VPS13B: variants seen among roughly 807,000 people sequenced by gnomAD.
VPS13B encodes intermembrane lipid transfer protein VPS13B.
VPS13B carries 285 observed loss-of-function variants against 426.4 expected under a neutral mutation model. The observed-to-expected ratio is 0.67, with a 90% CI of 0.61 to 0.74. VPS13B has a LOEUF of 0.74. VPS13B is among the 30% of genes least tolerant of loss of function. VPS13B has a pLI of 0.00. For synonymous variants in VPS13B, 1,676 were observed against 1,676.4 expected, an observed-to-expected ratio of 1.00 and a Z score of 0.01; for missense variants, 4,537 against 4,782.6, an observed-to-expected ratio of 0.95 and a Z score of 1.51.
chr8:99,646,844 G>T (rs983461913), intron 34 of VPS13B, among the ~76,000 whole-genome samples: 5 of 152,058 alleles, frequency 3.3e-5, no homozygotes, highest in Non-Finnish European at 4.4e-5. Context: ...CATGTGATGC[G>T]CTGGCTTTCC....
chr8:99,797,797 T>G lies in VPS13B; in HGVS notation c.7942-11578T>G, dbSNP rs139662883. 1.4e-4 allele frequency among the ~76,000 whole-genome samples: 21 copies of G among 152,336 alleles called. No individual in the cohort carries two copies. In the East Asian group the frequency reaches 3.9e-3, roughly 28 times the overall value. On this transcript the variant is annotated intron_variant, in intron 43 of 61. Transcript: ENST00000357162. Reference sequence around the variant, plus strand: ...CCTTTTGTGCTTATTCTATGAAAATTTTTGTTGTTTATCATAAACTGAAAG... The same window carrying G: ...CCTTTTGTGCTTATTCTATGAAAATGTTTGTTGTTTATCATAAACTGAAAG...
intron 19 of VPS13B, among the ~76,000 whole-genome samples, chr8:99,280,594 G>A (rs1475663797): frequency 6.6e-6 from 1 of 152,162 alleles, no homozygotes; most frequent in African/African-American, 2.4e-5. Context: ...TAAATAATCA[G>A]TTCTTGATAC....
chr8:99,428,768 A>T (rs921854597), intron 21 of VPS13B, among the ~76,000 whole-genome samples: 3 of 152,208 alleles, frequency 2.0e-5, no homozygotes, highest in African/African-American at 7.2e-5. Context: ...TGACCCAGCC[A>T]TCCATTACTT....
intron 22 of VPS13B, among the ~76,000 whole-genome samples, chr8:99,432,999 C>T (rs1817192581): frequency 6.6e-6 from 1 of 152,154 alleles, no homozygotes; most frequent in African/African-American, 2.4e-5. Flanking sequence ...AATGATTGTA[C>T]TTAAAATAAT....
At chr8:99,594,719 C>G (rs558618613) in intron 33 of VPS13B, among the ~76,000 whole-genome samples, 1 of 151,898 alleles carries the variant, frequency 6.6e-6, no homozygotes, top group Non-Finnish European at 1.5e-5. Context: ...CAGCTTATTC[C>G]TCAGGTAAAT....
intron 30 of VPS13B, among the ~76,000 whole-genome samples, chr8:99,534,946 A>C (rs1447898540): frequency 6.6e-6 from 1 of 152,214 alleles, no homozygotes; most frequent in Non-Finnish European, 1.5e-5. Flanking sequence ...TCTTTGACCA[A>C]CTTCAAGTGT....
At chr8:99,507,679 G>A in intron 28 of VPS13B, 1 of 1,576,168 alleles carries the variant, frequency 6.3e-7, no homozygotes. Context: ...CAAACTTGAG[G>A]AGAATTTAAA....
intron 2 of VPS13B, among the ~76,000 whole-genome samples, chr8:99,032,459 T>C (rs1044380545): frequency 1.3e-5 from 2 of 152,036 alleles, no homozygotes; most frequent in African/African-American, 4.8e-5. Context: ...AATAAATTGA[T>C]ATTTTTGATG....
intron 14 of VPS13B, among the ~76,000 whole-genome samples, chr8:99,155,858 C>T (rs926900407): frequency 6.6e-6 from 1 of 152,164 alleles, no homozygotes; most frequent in African/African-American, 2.4e-5. Context: ...TCATTGAGAA[C>T]CACAGGTAGA....
In VPS13B at chr8:99,257,096, A is replaced by G. The variant is rs78321948; in HGVS notation, c.2516-17102A>G. ...CACCACACATGAATGACCATTAGTA[A>G]ATGATCATGCTTAGGTGCAGACAAA... is the stretch of plus-strand genomic sequence containing the variant. On this transcript the variant is annotated intron_variant, in intron 17 of 61. Coordinates refer to ENST00000357162, the MANE Select transcript of VPS13B (RefSeq NM_152564.5). Among the ~76,000 whole-genome samples the G allele has an allele frequency of 5.7e-3, 872 of 152,280 alleles. 3 individuals are homozygous for G. Among genetic ancestry groups the G allele is most frequent in the Middle Eastern group, 0.024 (7 of 294 alleles).
At chr8:99,378,369 T>C (rs1039746723) in intron 19 of VPS13B, among the ~76,000 whole-genome samples, 2 of 152,136 alleles carry the variant, frequency 1.3e-5, no homozygotes, top group Admixed American at 6.6e-5. Context: ...ACACACATGC[T>C]TTACAAACAA....
chr8:99,018,787 TA>T (rs35075282), intron 2 of VPS13B, among the ~76,000 whole-genome samples: 125,441 of 152,130 alleles, frequency 0.82, 52,216 homozygotes, highest in South Asian at 0.89. Flanking sequence ...CAATGAGTTT[TA>T]AAAAATCATA....
intron 17 of VPS13B, among the ~76,000 whole-genome samples, chr8:99,255,612 A>G (rs1369478171): frequency 2.6e-5 from 4 of 152,070 alleles, no homozygotes; most frequent in South Asian, 2.1e-4. Flanking sequence ...CTGCATTGCT[A>G]TTTAAGGCCA....
At chr8:99,488,582 T>C (rs1296097688) in intron 25 of VPS13B, among the ~76,000 whole-genome samples, 2 of 152,186 alleles carry the variant, frequency 1.3e-5, no homozygotes, top group Admixed American at 1.3e-4. Flanking sequence ...CTTACAGTTG[T>C]ATTTTCGAAA....
At chr8:99,504,662 A>C (rs1330042266) in intron 27 of VPS13B, among the ~76,000 whole-genome samples, 1 of 152,180 alleles carries the variant, frequency 6.6e-6, no homozygotes, top group Admixed American at 6.5e-5. Context: ...ATGTGCTATC[A>C]TCCAAGCTTA....
intron 33 of VPS13B, among the ~76,000 whole-genome samples, chr8:99,616,581 A>T (rs1320553751): frequency 6.6e-6 from 1 of 152,132 alleles, no homozygotes; most frequent in Non-Finnish European, 1.5e-5. Context: ...TAATCCCAGC[A>T]CTTTGGGAGG....
chr8:99,611,872 TA>T (rs1201017074), intron 33 of VPS13B, among the ~76,000 whole-genome samples: 1 of 152,086 alleles, frequency 6.6e-6, no homozygotes, highest in Non-Finnish European at 1.5e-5. Flanking sequence ...ATGTGATATC[TA>T]AAAATTTTAG....
intron 3 of VPS13B, among the ~76,000 whole-genome samples, chr8:99,074,554 A>G (rs1299832600): frequency 6.6e-6 from 1 of 151,336 alleles, no homozygotes; most frequent in African/African-American, 2.4e-5. Context: ...TATGATGCTT[A>G]TTTGTTGTTG....
At chr8:99,685,746 TC>T (rs1174966703) in intron 35 of VPS13B, among the ~76,000 whole-genome samples, 2 of 152,350 alleles carry the variant, frequency 1.3e-5, no homozygotes, top group East Asian at 3.9e-4. Flanking sequence ...CTGAATTCCT[TC>T]TCTGCATTGT....
Sources: gnomAD v4.1 joint callset for allele counts (sites outside exome capture counted in the v4.1 genomes callset) on GRCh38, gnomAD v4.1.1 for gene constraint, MANE v1.5 for transcripts, NCBI Gene and HGNC (gene_info 2026-07-23, HGNC 2026-07-21) for gene names.